NSD1: variants seen among roughly 807,000 people sequenced by gnomAD.
The protein encoded by NSD1 is nuclear receptor binding SET domain protein 1.
In NSD1, 26 loss-of-function variants were observed where a neutral mutation model predicts 242.7. The observed-to-expected ratio is 0.11, with a 90% CI of 0.08 to 0.15. The LOEUF (loss-of-function observed/expected upper bound fraction) is 0.15. NSD1 is among the 10% of genes least tolerant of loss of function. The probability of loss-of-function intolerance (pLI) is 1.00; values close to 1 mark genes in which losing one functional copy is unlikely to be tolerated. For missense variants in NSD1, 2,495 were observed against 3,272.8 expected (o/e 0.76, Z 5.80); for synonymous variants, 1,106 against 1,178.1 (o/e 0.94, Z 1.25).
chr5:177,132,314 T>G (rs1190109530), upstream of NSD1, among the ~76,000 whole-genome samples: 1 of 151,482 alleles, frequency 6.6e-6, no homozygotes, highest in African/African-American at 2.4e-5. The surrounding 1 kb of genome is among the most constrained non-coding windows in gnomAD (Gnocchi z 7.5). Context: ...GCCATCTGCC[T>G]GGGTGCCGAG....
chr5:177,159,930 C>T (rs1380192841), intron 2 of NSD1, among the ~76,000 whole-genome samples: 4 of 151,474 alleles, frequency 2.6e-5, no homozygotes, highest in African/African-American at 9.7e-5. Context: ...CGCTCTGTGG[C>T]CCAGGCTGGA....
At chr5:177,176,067 G>T (rs564476461) in intron 2 of NSD1, among the ~76,000 whole-genome samples, 2 of 152,122 alleles carry the variant, frequency 1.3e-5, no homozygotes, top group South Asian at 4.1e-4. Context: ...GTAGAGACAG[G>T]GTTTTACCAT....
Position 177,168,520 on chromosome 5 carries a change from C to T in NSD1, c.928-23364C>T, listed in dbSNP as rs539029013. On this transcript the variant is annotated intron_variant, in intron 2 of 22. Transcript: ENST00000439151. Reference sequence around the variant, plus strand: ...TGTCGCCCAGGCTGGAGTGCAATGGCGTGATCTTGGCTCACTGCAGCCTCT... The same window carrying T: ...TGTCGCCCAGGCTGGAGTGCAATGGTGTGATCTTGGCTCACTGCAGCCTCT... Among the ~76,000 whole-genome samples, 73 of 148,768 alleles carry T rather than the reference C, an allele frequency of 4.9e-4. No homozygotes were observed. In the Middle Eastern group the frequency reaches 0.01, roughly 21 times the overall value.
At chr5:177,231,411 T>G (rs1315301456) in intron 5 of NSD1, among the ~76,000 whole-genome samples, 1 of 152,068 alleles carries the variant, frequency 6.6e-6, no homozygotes, top group Non-Finnish European at 1.5e-5. Context: ...TGAAGAAAAA[T>G]GTATACTTTA....
intron 3 of NSD1, among the ~76,000 whole-genome samples, chr5:177,197,320 G>GT (rs1762175404): frequency 6.6e-6 from 1 of 151,398 alleles, no homozygotes; most frequent in African/African-American, 2.4e-5. Flanking sequence ...TAAGAGATCA[G>GT]TAACAACTAA....
At chr5:177,221,243 G>A (rs376885858) in intron 5 of NSD1, among the ~76,000 whole-genome samples, 27 of 151,254 alleles carry the variant, frequency 1.8e-4, no homozygotes, top group East Asian at 5.8e-4. Context: ...ATTGTTTCTC[G>A]TCTGGTTTGT....
At chr5:177,222,556 CATT>C (rs1339962890) in intron 5 of NSD1, among the ~76,000 whole-genome samples, 1 of 152,066 alleles carries the variant, frequency 6.6e-6, no homozygotes, top group African/African-American at 2.4e-5. Context: ...AGTGGTATCT[CATT>C]ATGATTTTCA....
At chr5:177,150,847 T>A (rs57076883) in intron 2 of NSD1, among the ~76,000 whole-genome samples, 6,113 of 152,266 alleles carry the variant, frequency 0.04, 414 homozygotes, top group African/African-American at 0.14. Flanking sequence ...GTAGGTGATG[T>A]GCAAGTTGTG....
intron 20 of NSD1, 37 bp downstream of exon 20, chr5:177,283,965 A>T: frequency 6.2e-7 from 1 of 1,613,324 alleles, no homozygotes; most frequent in South Asian, 1.1e-5. Flanking sequence ...CTGACATCTG[A>T]ATTTCAGGGC....
chr5:177,155,561 C>CT (rs58025377), intron 2 of NSD1, among the ~76,000 whole-genome samples: 5,401 of 96,388 alleles, frequency 0.056, 133 homozygotes, highest in Admixed American at 0.061. Context: ...ACCGCACTGG[C>CT]TTTTTTTTTT....
chr5:177,210,269 A>G lies in NSD1; in HGVS notation c.1870A>G (p.Ile624Val), dbSNP rs779730938. 10 of 1,607,410 alleles carry G rather than the reference A, an allele frequency of 6.2e-6. No individual in the cohort carries two copies. The East Asian group carries it at 1.3e-4, about 22-fold the overall frequency. ...TGGTTCAAAAGTGAAGCTCTGCTATATTGGAGCAGGTGATGAGGAAAAGCG... is the reference window on the plus strand; with the variant it reads ...TGGTTCAAAAGTGAAGCTCTGCTATGTTGGAGCAGGTGATGAGGAAAAGCG... ...VCGSKVKLCY[I>V]GAGDEEKRSD... is the part of the protein sequence containing the mutation. Residue 624 changes from isoleucine to valine, a missense_variant, in exon 5 of 23, where the codon ATT becomes GTT. Coordinates refer to ENST00000439151, the MANE Select transcript of NSD1 (RefSeq NM_022455.5).
intron 21 of NSD1, among the ~76,000 whole-genome samples, chr5:177,289,642 T>C (rs1356995222): frequency 6.6e-6 from 1 of 152,270 alleles, no homozygotes; most frequent in South Asian, 2.1e-4. Context: ...AGTTTAAGCT[T>C]CTAAATGTAG....
chr5:177,140,462 T>C (rs1024141138), intron 2 of NSD1, among the ~76,000 whole-genome samples: 34 of 152,142 alleles, frequency 2.2e-4, no homozygotes, highest in African/African-American at 7.5e-4. Flanking sequence ...AAAATCTGTT[T>C]GGAAGACTTT....
chr5:177,276,764 C>T (rs1441015002), intron 17 of NSD1, among the ~76,000 whole-genome samples: 1 of 152,118 alleles, frequency 6.6e-6, no homozygotes, highest in Non-Finnish European at 1.5e-5. Flanking sequence ...GCTGCCACTC[C>T]TGGCCTTTAA....
At chr5:177,146,889 C>A (rs1757293128) in intron 2 of NSD1, among the ~76,000 whole-genome samples, 2 of 151,806 alleles carry the variant, frequency 1.3e-5, no homozygotes. Context: ...TGCCTGTAAT[C>A]CTAGCTACTC....
At chr5:177,266,497 G>T in intron 14 of NSD1, 1 of 624,888 alleles carries the variant, frequency 1.6e-6, no homozygotes, top group Non-Finnish European at 2.9e-6. Context: ...GTAATCTTTG[G>T]ACGTCATGCC....
intron 5 of NSD1, among the ~76,000 whole-genome samples, chr5:177,218,503 T>C (rs1259590396): frequency 1.3e-5 from 2 of 152,194 alleles, no homozygotes; most frequent in Non-Finnish European, 2.9e-5. Context: ...TCTGTTGATT[T>C]TTTTTTTCTA....
Position 177,288,880 on chromosome 5 carries a change from A to T in NSD1, c.6213A>T (p.Lys2071Asn). The T allele has an allele frequency of 6.2e-7, 1 of 1,614,182 alleles. No individual in the cohort carries two copies. The highest frequency in any genetic ancestry group is 8.5e-7 in the Non-Finnish European group (1 of 1,180,036). Residue 2071 changes from lysine (K) to asparagine (N), a missense_variant, in exon 21 of 23, where the codon AAA becomes AAT. Physicochemically the swap from Lys to Asn is moderately conservative, Grantham distance 94. Around this residue, in one of 19 missense-constraint regions of NSD1, gnomAD observed 26 missense variants for 119.1 expected, o/e 0.22. Transcript: ENST00000439151. ...ECLGNGKTVC[K>N]CGAPNCSGFL... ...TTGGGAATGGAAAGACTGTTTGCAA[A>T]TGTGGAGCCCCGAACTGCAGTGGCT...
Position 177,211,524 on chromosome 5 carries a change from C to T in NSD1, c.3125C>T (p.Thr1042Ile), listed in dbSNP as rs759074778. Residue 1042 changes from threonine to isoleucine, a missense_variant, in exon 5 of 23, where the codon ACA becomes ATA. Thr to Ile is a moderately conservative substitution (Grantham distance 89). Transcript: ENST00000439151. The part of the protein sequence containing the change: ...DAFSAQMVKN[T>I]VNRKALKTER... ...TTTTCAGCCCAAATGGTAAAGAACA[C>T]AGTGAACCGTAAAGCCTTAAAGACC... 6.2e-7 allele frequency: 1 copy of T among 1,614,106 alleles called. No individual in the cohort carries two copies. Among genetic ancestry groups the T allele is most frequent in the Non-Finnish European group, 8.5e-7 (1 of 1,180,024 alleles).
Sources: gnomAD v4.1 joint callset for allele counts (sites outside exome capture counted in the v4.1 genomes callset) on GRCh38, gnomAD v4.1.1 for gene constraint, gnomAD v4.1.1 regional missense constraint, Gnocchi (gnomAD v3.1) non-coding constraint, MANE v1.5 for transcripts, NCBI Gene and HGNC (gene_info 2026-07-23, HGNC 2026-07-21) for gene names.